ST7: variants seen among roughly 807,000 people sequenced by gnomAD.
The protein encoded by ST7 is suppression of tumorigenicity 7.
Under a neutral mutation model 78.7 loss-of-function variants are expected in ST7, and 28 were observed. The observed-to-expected ratio is 0.36, with a 90% CI of 0.26 to 0.49. ST7 has a LOEUF of 0.49. Among genes scored for constraint, ST7 ranks in the 20% least tolerant of loss-of-function variants. ST7 has a pLI of 0.99. For synonymous variants in ST7, 247 were observed against 249.6 expected, an observed-to-expected ratio of 0.99 and a Z score of 0.10; for missense variants, 418 against 696.0, an observed-to-expected ratio of 0.60 and a Z score of 4.49.
intron 1 of ST7, among the ~76,000 whole-genome samples, chr7:116,973,255 CTCTT>C (rs1793526405): frequency 1.3e-5 from 2 of 151,982 alleles, no homozygotes; most frequent in Non-Finnish European, 2.9e-5. Flanking sequence ...GTCTCTCTCT[CTCTT>C]TATTGATTGG....
At chr7:117,055,938 C>T (rs1798041714) in intron 1 of ST7, among the ~76,000 whole-genome samples, 1 of 152,308 alleles carries the variant, frequency 6.6e-6, no homozygotes, top group Admixed American at 6.5e-5. Context: ...AACAGCCAGT[C>T]TGAGTCTCAA....
intron 4 of ST7, 50 bp from the exon 5 acceptor site, chr7:117,130,441 C>A (rs1563105450): frequency 1.5e-6 from 2 of 1,366,982 alleles, no homozygotes; most frequent in South Asian, 1.2e-5. Context: ...TTTTATAGGT[C>A]TTGCTTTTCT....
intron 12 of ST7, among the ~76,000 whole-genome samples, chr7:117,207,295 C>T (rs1295706173): frequency 6.6e-6 from 1 of 152,122 alleles, no homozygotes; most frequent in Non-Finnish European, 1.5e-5. Context: ...AGGCACCCAC[C>T]ACCACGCCCA....
chr7:117,223,850 G>A (rs1002701522), intron 15 of ST7: 1 of 637,036 alleles, frequency 1.6e-6, no homozygotes, highest in Non-Finnish European at 2.0e-6. Context: ...TATCCCCAAG[G>A]CTTTGCACAG....
intron 1 of ST7, among the ~76,000 whole-genome samples, chr7:117,048,065 A>G (rs978264034): frequency 2.6e-5 from 4 of 152,210 alleles, no homozygotes; most frequent in Admixed American, 2.6e-4. Flanking sequence ...TAATAAGAAA[A>G]TCATAAGGAA....
At chr7:116,959,089 C>T (rs554094812) in intron 1 of ST7, 6 of 435,686 alleles carry the variant, frequency 1.4e-5, no homozygotes, top group African/African-American at 4.0e-5. Flanking sequence ...TCAATTTTAT[C>T]ACCCTGCCAC....
intron 9 of ST7, among the ~76,000 whole-genome samples, chr7:117,145,935 T>TA (rs750738327): frequency 3.1e-4 from 47 of 152,330 alleles, no homozygotes; most frequent in Middle Eastern, 6.8e-3. Context: ...TCTGTGTTCT[T>TA]ACATTTGGCT....
intron 12 of ST7, among the ~76,000 whole-genome samples, chr7:117,200,438 C>T (rs193580): frequency 1.3e-5 from 2 of 151,990 alleles, no homozygotes; most frequent in African/African-American, 4.8e-5. Context: ...AGCATGTCCA[C>T]GTGCTGTAGA....
rs955028668 is a variant in ST7 at position 116,961,770 on chromosome 7, T to C, written c.151+8079T>C. The stretch of plus-strand genomic sequence containing the variant: ...TGAGACTATGGGGTTTTCTTTCTTT[T>C]TTTTTTTTAATTTTACTTTAAGTTC... On this transcript the variant is annotated intron_variant, in intron 1 of 15. Coordinates refer to ENST00000323984, the MANE Select transcript of ST7 (RefSeq NM_001369598.1). Among the ~76,000 whole-genome samples, 5 of 152,054 alleles carry C rather than the reference T, an allele frequency of 3.3e-5. No individual in the cohort carries two copies. In the South Asian group the frequency reaches 6.2e-4, roughly 19 times the overall value.
At chr7:117,052,340 T>A (rs1274195891) in intron 1 of ST7, among the ~76,000 whole-genome samples, 1 of 152,194 alleles carries the variant, frequency 6.6e-6, no homozygotes, top group African/African-American at 2.4e-5. Flanking sequence ...AACAGGTTGA[T>A]AAGTTTTGCT....
At chr7:117,024,060 C>A (rs1033724258) in intron 1 of ST7, among the ~76,000 whole-genome samples, 3 of 152,174 alleles carry the variant, frequency 2.0e-5, no homozygotes, top group Admixed American at 6.5e-5. Context: ...GTGATCCTCC[C>A]GCCTCAACCT....
Position 117,201,585 on chromosome 7 carries a change from G to A in ST7, c.1255-8202G>A, listed in dbSNP as rs1244021530. 2.6e-5 allele frequency among the ~76,000 whole-genome samples: 4 copies of A among 151,476 alleles called. No individual in the cohort carries two copies. In the East Asian group the frequency reaches 7.8e-4, roughly 29 times the overall value. On this transcript the variant is annotated intron_variant, in intron 12 of 15. Coordinates refer to ENST00000323984, the MANE Select transcript of ST7 (RefSeq NM_001369598.1). ...GTTTTTTTTTTTTCCATGAGACAGG[G>A]TCTTGCTCTGTCACCCAGGCTGGAA...
chr7:117,104,435 G>A (rs569505508), intron 2 of ST7, among the ~76,000 whole-genome samples: 5 of 152,240 alleles, frequency 3.3e-5, no homozygotes, highest in African/African-American at 7.2e-5. Context: ...GCGAGACTCC[G>A]TCTCAAAAAA....
In ST7 at chr7:117,123,206, G is replaced by A. The variant is rs188998545; in HGVS notation, c.394+3486G>A. On this transcript the variant is annotated intron_variant, in intron 3 of 15. Transcript: ENST00000323984. ...ATCATTGAAAAAAGTAAGAATAAAG[G>A]GGAAATATCAGTTATAAACATTGTT... is the stretch of plus-strand genomic sequence containing the variant. 4.1e-3 allele frequency among the ~76,000 whole-genome samples: 630 copies of A among 152,150 alleles called. 2 individuals are homozygous for A. Among genetic ancestry groups the A allele is most frequent in the Middle Eastern group, 0.014 (4 of 294 alleles).
At chr7:117,223,802 A>G (rs914141818) in intron 15 of ST7, 3 of 214,330 alleles carry the variant, frequency 1.4e-5, no homozygotes, top group African/African-American at 7.1e-5. Flanking sequence ...TTAGAATGTG[A>G]GCTCCTTGAG....
At chr7:117,071,705 A>C (rs1484419271) in intron 1 of ST7, among the ~76,000 whole-genome samples, 1 of 152,220 alleles carries the variant, frequency 6.6e-6, no homozygotes, top group African/African-American at 2.4e-5. Flanking sequence ...CCCTTGGATA[A>C]AGATCTCTAA....
chr7:117,171,051 C>A, intron 10 of ST7, 75 bp downstream of exon 10: 1 of 866,290 alleles, frequency 1.2e-6, no homozygotes, highest in South Asian at 2.2e-5. Context: ...TTAGAAGGGT[C>A]ATTTCAAATA....
chr7:117,097,904 A>ATTTTTTTT (rs1171743827), intron 1 of ST7, among the ~76,000 whole-genome samples: 2 of 33,720 alleles, frequency 5.9e-5, no homozygotes, highest in Non-Finnish European at 1.2e-4. Context: ...ATATATATAT[A>ATTTTTTTT]TATATTTTTT....
At chr7:117,112,876 T>C (rs574814701) in intron 2 of ST7, among the ~76,000 whole-genome samples, 18 of 152,324 alleles carry the variant, frequency 1.2e-4, no homozygotes, top group African/African-American at 4.3e-4. Context: ...TCATTTAACC[T>C]TGTCAAATTA....
Sources: allele counts gnomAD v4.1 joint callset (sites outside exome capture counted in the v4.1 genomes callset), GRCh38; gene constraint gnomAD v4.1.1; transcripts MANE v1.5; gene names NCBI Gene and HGNC (gene_info 2026-07-23, HGNC 2026-07-21).